CDH7: variants seen among roughly 807,000 people sequenced by gnomAD.
CDH7 encodes the protein cadherin 7, also known as cadherin-7.
Under a neutral mutation model 71.8 loss-of-function variants are expected in CDH7, and 25 were observed. The ratio of observed to expected loss-of-function variants is 0.35; its 90% CI spans 0.25 to 0.49. The LOEUF is 0.49. CDH7 is among the 20% of genes least tolerant of loss of function. The pLI, the probability that CDH7 is intolerant of heterozygous loss-of-function variation, is 0.99. For synonymous variants in CDH7, 381 were observed against 363.8 expected (o/e 1.05, Z -0.54); for missense variants, 862 against 974.6 (o/e 0.88, Z 1.54).
chr18:65,825,055 T>C (rs2143943965), intron 6 of CDH7, among the ~76,000 whole-genome samples: 1 of 151,984 alleles, frequency 6.6e-6, no homozygotes, highest in South Asian at 2.1e-4. Flanking sequence ...CTCGCAGCCA[T>C]TATCTATAGC....
chr18:65,755,206 T>C (rs967278380), intron 1 of CDH7, among the ~76,000 whole-genome samples: 1 of 152,248 alleles, frequency 6.6e-6, no homozygotes, highest in Non-Finnish European at 1.5e-5. Flanking sequence ...AAATACTCAT[T>C]ACATACAGTT....
At chr18:65,862,194 C>G (rs1170932402) in intron 10 of CDH7, among the ~76,000 whole-genome samples, 3 of 151,856 alleles carry the variant, frequency 2.0e-5, no homozygotes, top group Non-Finnish European at 4.4e-5. Flanking sequence ...TTAAATAAAG[C>G]TAAAGTAGCT....
chr18:65,758,237 A>T (rs62086401), intron 1 of CDH7, among the ~76,000 whole-genome samples: 3,548 of 152,320 alleles, frequency 0.023, 69 homozygotes, highest in Non-Finnish European at 0.034. Context: ...TTTTAAAATA[A>T]TGCTTCAGAG....
At chr18:65,835,183 T>C (rs1372436605) in intron 6 of CDH7, among the ~76,000 whole-genome samples, 1 of 152,128 alleles carries the variant, frequency 6.6e-6, no homozygotes, top group Admixed American at 6.6e-5. Flanking sequence ...TATGGTCTTT[T>C]GAGGCTGTTT....
chr18:65,757,476 C>G (rs1916063210), intron 1 of CDH7, among the ~76,000 whole-genome samples: 1 of 152,072 alleles, frequency 6.6e-6, no homozygotes, highest in Non-Finnish European at 1.5e-5. Context: ...TATCACAGTA[C>G]TACTTGTGAT....
At chr18:65,830,864 T>C (rs1168491753) in intron 6 of CDH7, among the ~76,000 whole-genome samples, 1 of 151,910 alleles carries the variant, frequency 6.6e-6, no homozygotes. Flanking sequence ...CCTTTGACAT[T>C]ATCCTAAGCT....
At chr18:65,787,520 A>G (rs1265848944) in intron 2 of CDH7, among the ~76,000 whole-genome samples, 1 of 152,246 alleles carries the variant, frequency 6.6e-6, no homozygotes, top group East Asian at 1.9e-4. Flanking sequence ...GGAATTCTTC[A>G]TCTAAATTTC....
In CDH7 at chr18:65,884,787, A is replaced by G. The variant is rs543370724; in HGVS notation, c.*3893A>G. ...TTTTAAAGCACTAGCTGTAAATATT[A>G]ATCTTCAGATTTTCAATTTAACATG... On this transcript the variant is annotated 3_prime_UTR_variant, in exon 12 of 12. Transcript: ENST00000397968. 1 of 152,318 alleles carries G rather than the reference A, an allele frequency of 6.6e-6. No individual in the cohort carries two copies. Among genetic ancestry groups the G allele is most frequent in the East Asian group, 1.9e-4 (1 of 5,176 alleles). The allele number at this position is 152,318 out of a possible 1,614,324, so 9.4% of individuals were successfully genotyped here.
intron 7 of CDH7, among the ~76,000 whole-genome samples, chr18:65,857,097 C>T (rs1161636596): frequency 6.6e-6 from 1 of 150,902 alleles, no homozygotes; most frequent in Non-Finnish European, 1.5e-5. Context: ...TGCAAATGGG[C>T]AAGATGTTTA....
At chr18:65,807,448 G>A (rs770539671) in intron 2 of CDH7, among the ~76,000 whole-genome samples, 28 of 152,136 alleles carry the variant, frequency 1.8e-4, no homozygotes, top group Non-Finnish European at 2.9e-4. Context: ...AATGAAAGTC[G>A]TTAATGTGAT....
At chr18:65,780,813 T>G (rs1277667326) in intron 2 of CDH7, among the ~76,000 whole-genome samples, 1 of 151,916 alleles carries the variant, frequency 6.6e-6, no homozygotes, top group Non-Finnish European at 1.5e-5. Context: ...CATATGACAC[T>G]CTCAGGGAAA....
intron 7 of CDH7, among the ~76,000 whole-genome samples, chr18:65,856,865 AGT>A (rs1913375464): frequency 6.6e-6 from 1 of 152,134 alleles, no homozygotes; most frequent in Admixed American, 6.6e-5. Context: ...TAAAAATACA[AGT>A]GGAGTAGTAA....
intron 2 of CDH7, among the ~76,000 whole-genome samples, chr18:65,766,460 T>C (rs1463602749): frequency 6.6e-6 from 1 of 152,032 alleles, no homozygotes; most frequent in Admixed American, 6.6e-5. Context: ...CAGGAGTGCT[T>C]CTAGAACCCT....
intron 7 of CDH7, among the ~76,000 whole-genome samples, chr18:65,853,958 C>G (rs1426911194): frequency 1.6e-5 from 1 of 60,676 alleles, no homozygotes; most frequent in East Asian, 5.2e-4. Context: ...TATATATATG[C>G]TATTTAGTGA....
At chr18:65,806,496 T>C (rs1359864579) in intron 2 of CDH7, among the ~76,000 whole-genome samples, 2 of 152,124 alleles carry the variant, frequency 1.3e-5, no homozygotes, top group African/African-American at 4.8e-5. Context: ...TGCCCCCAAA[T>C]AGAGCACAAA....
intron 11 of CDH7, among the ~76,000 whole-genome samples, chr18:65,879,307 A>C (rs543579606): frequency 1.7e-4 from 26 of 152,194 alleles, no homozygotes; most frequent in Non-Finnish European, 3.2e-4. Context: ...ATATGATGAC[A>C]ATAATGTACC....
chr18:65,849,597 G>A (rs930448882), intron 7 of CDH7, among the ~76,000 whole-genome samples: 1 of 151,472 alleles, frequency 6.6e-6, no homozygotes, highest in African/African-American at 2.4e-5. Context: ...ATTGTTAGTA[G>A]AGACAGGGTC....
At chr18:65,751,296 A>C (rs2143761396) in intron 1 of CDH7, 146 bp downstream of exon 1, 1 of 152,666 alleles carries the variant, frequency 6.6e-6, no homozygotes, top group South Asian at 2.1e-4. Flanking sequence ...TCCCCAAGTT[A>C]CTGCGTGTTG....
At position 65,885,157 on chromosome 18, in the gene CDH7, A is replaced by C. The variant is rs1471871141; in HGVS notation, c.*4263A>C. On this transcript the variant is annotated 3_prime_UTR_variant, in exon 12 of 12. Transcript: ENST00000397968. Reference sequence around the variant, plus strand: ...AAGGAATAATAGCATTTGCATTTTAAATGTAATTGAAACTATTTCAGAAGA... The same window carrying C: ...AAGGAATAATAGCATTTGCATTTTACATGTAATTGAAACTATTTCAGAAGA... The C allele has an allele frequency of 6.6e-6, 1 of 152,058 alleles. No individual in the cohort carries two copies. Among genetic ancestry groups the C allele is most frequent in the East Asian group, 1.9e-4 (1 of 5,182 alleles). 9.4% of individuals were successfully genotyped at this position (152,058 alleles called of 1,614,324 possible).
Sources: allele counts gnomAD v4.1 joint callset (sites outside exome capture counted in the v4.1 genomes callset), GRCh38; gene constraint gnomAD v4.1.1; transcripts MANE v1.5; gene names NCBI Gene and HGNC (gene_info 2026-07-23, HGNC 2026-07-21).